The following TENM3 variants were observed in gnomAD, a reference collection of about 807,000 sequenced individuals.
TENM3 encodes teneurin-3.
Under a neutral mutation model 255.1 loss-of-function variants are expected in TENM3, and 63 were observed. The ratio of observed to expected loss-of-function variants is 0.25; its 90% CI spans 0.20 to 0.30. The LOEUF (loss-of-function observed/expected upper bound fraction) is 0.30, where lower values mean the gene tolerates loss of function less well. Among genes scored for constraint, TENM3 ranks in the 10% least tolerant of loss-of-function variants. The pLI, the probability that TENM3 is intolerant of heterozygous loss-of-function variation, is 1.00. For missense variants in TENM3, 2,929 were observed against 3,461.1 expected (o/e 0.85, Z 3.86); for synonymous variants, 1,306 against 1,322.3 (o/e 0.99, Z 0.27).
At chr4:182,044,881 G>A in the TENM3 span, among the ~76,000 whole-genome samples, 2 of 152,218 alleles carry the variant, frequency 1.3e-5, no homozygotes, top group African/African-American at 4.8e-5. Context: ...AACAGGGATT[G>A]GAAGCTGATA....
chr4:181,714,149 C>T, the TENM3 span, among the ~76,000 whole-genome samples: 2 of 152,100 alleles, frequency 1.3e-5, no homozygotes, highest in Non-Finnish European at 2.9e-5. Flanking sequence ...AAAATTTTAA[C>T]TTGGGGCCAG....
the TENM3 span, among the ~76,000 whole-genome samples, chr4:181,869,398 G>A: frequency 6.6e-6 from 1 of 152,068 alleles, no homozygotes; most frequent in Non-Finnish European, 1.5e-5. Context: ...TTCCTACTCA[G>A]TTTTGTTTAA....
chr4:181,467,121 ATATATTTTT>A, the TENM3 span, among the ~76,000 whole-genome samples: 27 of 20,378 alleles, frequency 1.3e-3, no homozygotes, highest in African/African-American at 4.0e-3. Context: ...ATATATATAT[ATATATTTTT>A]TTTTTTTTTT....
chr4:182,638,601 G>T (rs894378733), intron 5 of TENM3, among the ~76,000 whole-genome samples: 7 of 152,280 alleles, frequency 4.6e-5, no homozygotes, highest in South Asian at 2.1e-4. Flanking sequence ...TCTGAGAAAA[G>T]ATTTCATGTT....
chr4:182,203,324 G>A (rs568689103), intron 1 of TENM3, among the ~76,000 whole-genome samples: 66 of 152,226 alleles, frequency 4.3e-4, no homozygotes, highest in Non-Finnish European at 7.1e-4. Flanking sequence ...CCAACTTCAG[G>A]GCCACAGGTA....
At chr4:181,523,527 G>A in the TENM3 span, among the ~76,000 whole-genome samples, 7 of 152,178 alleles carry the variant, frequency 4.6e-5, no homozygotes, top group South Asian at 2.1e-4. Flanking sequence ...CCCTCATTCC[G>A]TTGTCAAGGC....
chr4:181,455,098 C>T, the TENM3 span, among the ~76,000 whole-genome samples: 1 of 151,954 alleles, frequency 6.6e-6, no homozygotes, highest in Non-Finnish European at 1.5e-5. Context: ...AGAGTAGGTG[C>T]TAAATAATAT....
At chr4:182,133,489 A>T in the TENM3 span, among the ~76,000 whole-genome samples, 1 of 152,236 alleles carries the variant, frequency 6.6e-6, no homozygotes, top group Non-Finnish European at 1.5e-5. Flanking sequence ...AAATAGAACT[A>T]ATACATATTT....
the TENM3 span, among the ~76,000 whole-genome samples, chr4:181,839,411 G>A: frequency 4.9e-5 from 6 of 122,294 alleles, no homozygotes; most frequent in Admixed American, 3.4e-4. Context: ...ATATATACAT[G>A]TATGCCTATA....
chr4:181,582,680 AAAAAAAG>A, the TENM3 span, among the ~76,000 whole-genome samples: 25 of 147,874 alleles, frequency 1.7e-4, no homozygotes, highest in African/African-American at 6.1e-4. Context: ...AAAAAAAAAA[AAAAAAAG>A]AAAGAAAGAA....
chr4:181,919,365 A>T, the TENM3 span, among the ~76,000 whole-genome samples: 1 of 114,136 alleles, frequency 8.8e-6, no homozygotes, highest in East Asian at 2.3e-4. Flanking sequence ...CCCCAGCAGA[A>T]GCAAAGCAGG....
At chr4:181,997,868 T>C in the TENM3 span, among the ~76,000 whole-genome samples, 2 of 152,236 alleles carry the variant, frequency 1.3e-5, no homozygotes, top group African/African-American at 4.8e-5. Context: ...CTTCCTTTAT[T>C]GCGGCAAGAA....
the TENM3 span, among the ~76,000 whole-genome samples, chr4:181,551,710 A>G: frequency 6.6e-6 from 1 of 151,992 alleles, no homozygotes; most frequent in African/African-American, 2.4e-5. Flanking sequence ...GGAAATGGTG[A>G]ATAAAAAGGT....
the TENM3 span, among the ~76,000 whole-genome samples, chr4:181,724,021 G>A: frequency 2.0e-5 from 3 of 152,188 alleles, no homozygotes; most frequent in Admixed American, 6.5e-5. Flanking sequence ...GAGAGAATGA[G>A]CAGATGTGCC....
chr4:182,409,606 C>T (rs999694241), intron 3 of TENM3, among the ~76,000 whole-genome samples: 6 of 152,202 alleles, frequency 3.9e-5, no homozygotes, highest in African/African-American at 1.2e-4. Context: ...GATGAGGACT[C>T]TGCCTCAGCC....
chr4:182,142,725 C>T (rs2149538027), upstream of TENM3: 1 of 165,162 alleles, frequency 6.1e-6, no homozygotes, highest in African/African-American at 2.4e-5. Flanking sequence ...GTCGCGGGCT[C>T]CTAGCCCTCC....
the TENM3 span, among the ~76,000 whole-genome samples, chr4:181,884,730 T>C: frequency 1.4e-4 from 22 of 152,296 alleles, no homozygotes; most frequent in African/African-American, 5.3e-4. Context: ...TCCCTGTTCC[T>C]TGAGTTGTCA....
chr4:181,460,221 A>T, the TENM3 span, among the ~76,000 whole-genome samples: 1 of 152,040 alleles, frequency 6.6e-6, no homozygotes, highest in African/African-American at 2.4e-5. Context: ...TGTAAATTCC[A>T]TGGGAAAAGT....
chr4:182,111,317 G>A, the TENM3 span, among the ~76,000 whole-genome samples: 4 of 148,744 alleles, frequency 2.7e-5, no homozygotes, highest in East Asian at 8.0e-4. Flanking sequence ...ACACTCTGTA[G>A]TACTCAGCTT....
Sources: gnomAD v4.1 joint callset for allele counts (sites outside exome capture counted in the v4.1 genomes callset) on GRCh38, gnomAD v4.1.1 for gene constraint, MANE v1.5 for transcripts, NCBI Gene and HGNC (gene_info 2026-07-23, HGNC 2026-07-21) for gene names.